Variants in MRPL33 observed in about 807,000 individuals in gnomAD.
MRPL33 encodes mitochondrial ribosomal protein L33, also known as large ribosomal subunit protein bL33m.
A neutral mutation model predicts 10.1 loss-of-function variants in MRPL33; 5 were observed. That is an observed-to-expected ratio of 0.49 (90% CI 0.26 to 1.04). The LOEUF is 1.04. Ranked by LOEUF, MRPL33 falls within the 50% of genes least tolerant of loss-of-function variation. The pLI, the probability that MRPL33 is intolerant of heterozygous loss-of-function variation, is 0.14. For synonymous variants in MRPL33, 24 were observed against 27.7 expected, an observed-to-expected ratio of 0.87 and a Z score of 0.42; for missense variants, 79 against 78.1, an observed-to-expected ratio of 1.01 and a Z score of -0.04.
Position 27,772,551 on chromosome 2 carries a change from C to T in MRPL33, c.23-123C>T, listed in dbSNP as rs189305755. The T allele has an allele frequency of 3.5e-4, 256 of 727,662 alleles. 1 individual carries two copies. The African/African-American group carries it at 4.1e-3, about 12-fold the overall frequency. The allele number at this position is 727,662 out of a possible 1,614,324, so 45.1% of individuals were successfully genotyped here. A position where few individuals can be genotyped will look rare whatever the true frequency, so the allele number is the denominator to read the frequency against. On this transcript the variant is annotated intron_variant, in intron 1 of 3. Coordinates refer to ENST00000296102, the MANE Select transcript of MRPL33 (RefSeq NM_004891.4). Reference sequence around the variant, plus strand: ...GGGAATAGTTACTTGAGTGACACCTCATGGCATATTTCATAAGTTAAATAT... The same window carrying T: ...GGGAATAGTTACTTGAGTGACACCTTATGGCATATTTCATAAGTTAAATAT...
intron 2 of MRPL33, among the ~76,000 whole-genome samples, chr2:27,773,452 A>G (rs1328798050): frequency 4.6e-5 from 7 of 152,226 alleles, no homozygotes; most frequent in African/African-American, 9.6e-5. Flanking sequence ...CCAGGGATCT[A>G]TAGGAATCTC....
Position 27,771,809 on chromosome 2 carries a change from GC to G in MRPL33, c.22+11del. 6.2e-7 allele frequency: 1 copy of G among 1,613,474 alleles called. No homozygotes were observed. Among genetic ancestry groups the G allele is most frequent in the Non-Finnish European group, 8.5e-7 (1 of 1,179,462 alleles). The stretch of plus-strand genomic sequence containing the variant: ...CTCTCCGCGGTCTTCTGTAAGTGGG[GC>G]TGGAGACGCCGGTAGGGGTTACGGC... On this transcript the variant is annotated intron_variant, in intron 1 of 3. Transcript: ENST00000296102.
chr2:27,771,971 C>A, intron 1 of MRPL33, 172 bp downstream of exon 1: 1 of 694,332 alleles, frequency 1.4e-6, no homozygotes, highest in South Asian at 1.9e-5. Context: ...CGGCGCGCCT[C>A]CCTGCGCGGA....
chr2:27,773,086 T>G, intron 2 of MRPL33, among the ~76,000 whole-genome samples: 1 of 152,256 alleles, frequency 6.6e-6, no homozygotes, highest in Non-Finnish European at 1.5e-5. Flanking sequence ...GAACAAACTC[T>G]GCTTTGATTA....
At chr2:27,772,205 A>G (rs535119118) in intron 1 of MRPL33, 1 of 257,360 alleles carries the variant, frequency 3.9e-6, no homozygotes, top group African/African-American at 2.2e-5. Flanking sequence ...GCAGTTAAAG[A>G]AGTCCTCGGG....
chr2:27,776,217 CTT>C, intron 3 of MRPL33, among the ~76,000 whole-genome samples: 1 of 152,236 alleles, frequency 6.6e-6, no homozygotes, highest in Non-Finnish European at 1.5e-5. Flanking sequence ...AAGGAACGGT[CTT>C]AGCTTTGACA....
In MRPL33 at chr2:27,771,764, C is replaced by T. The variant is rs1472443512; in HGVS notation, c.-14C>T. ...CTTTTGGCCGGTGACGGAGACTGCC[C>T]AGGTGTGGTCACCATGTTCCTCTCC... is the stretch of plus-strand genomic sequence containing the variant. On this transcript the variant is annotated 5_prime_UTR_variant, in exon 1 of 4. Transcript: ENST00000296102. 4.3e-6 allele frequency: 7 copies of T among 1,614,156 alleles called. No individual in the cohort carries two copies. The Admixed American group carries it at 1.0e-4, about 23-fold the overall frequency.
Position 27,774,418 on chromosome 2 carries a change from T to C in MRPL33, c.42-6T>C, listed in dbSNP as rs773755583. The C allele has an allele frequency of 2.5e-5, 40 of 1,612,920 alleles. No individual in the cohort carries two copies. The highest frequency in any genetic ancestry group is 3.3e-5 in the Non-Finnish European group (39 of 1,179,050). On this transcript the variant is annotated splice_region_variant and splice_polypyrimidine_tract_variant and intron_variant, in intron 2 of 3. Transcript: ENST00000296102. ...TCGTACATAACAGCGTACTTTTTAA[T>C]CTTAGAAACATTCTGGTGAGAATGG...
intron 2 of MRPL33, 108 bp downstream of exon 2, chr2:27,772,800 T>A: frequency 1.2e-6 from 1 of 859,838 alleles, no homozygotes; most frequent in Non-Finnish European, 1.8e-6. Flanking sequence ...GGCCTTGATT[T>A]CCTAAGAGTT....
At chr2:27,775,885 G>A (rs757805917) in intron 3 of MRPL33, among the ~76,000 whole-genome samples, 8 of 152,130 alleles carry the variant, frequency 5.3e-5, no homozygotes, top group Non-Finnish European at 1.0e-4. Flanking sequence ...TTCCTCATAT[G>A]GTGGAAAAAT....
intron 3 of MRPL33, among the ~76,000 whole-genome samples, chr2:27,775,787 G>T (rs1356413672): frequency 6.6e-6 from 1 of 152,142 alleles, no homozygotes; most frequent in Non-Finnish European, 1.5e-5. Context: ...TGTTTTTATG[G>T]TGTTCAAATT....
intron 3 of MRPL33, among the ~76,000 whole-genome samples, chr2:27,775,347 TTAA>T (rs1382439693): frequency 7.6e-6 from 1 of 130,918 alleles, no homozygotes; most frequent in Non-Finnish European, 1.6e-5. Flanking sequence ...CTCTTTATAA[TTAA>T]TTTTTTTTTT....
rs6716738 is a variant in MRPL33 at position 27,776,444 on chromosome 2, T to C, written c.148+1914T>C. 6.7e-3 allele frequency among the ~76,000 whole-genome samples: 1,016 copies of C among 152,380 alleles called. 7 individuals carry two copies. The highest frequency in any genetic ancestry group is 0.024 in the African/African-American group (980 of 41,594). ...TAAGTTTGAGGACGATGATTGTTGG[T>C]CTGCTTTATGAAGGAAATAGGTAAG... On this transcript the variant is annotated intron_variant, in intron 3 of 3. Transcript: ENST00000296102.
chr2:27,772,005 C>T, intron 1 of MRPL33: 2 of 563,654 alleles, frequency 3.5e-6, no homozygotes, highest in Non-Finnish European at 6.2e-6. Context: ...GAGAAGGGGT[C>T]TGCGGTGTCT....
chr2:27,772,100 A>AT, intron 1 of MRPL33: 1 of 415,172 alleles, frequency 2.4e-6, no homozygotes, highest in Admixed American at 4.0e-5. Flanking sequence ...CTTTGTCCGA[A>AT]GGACCTCAGA....
intron 3 of MRPL33, 125 bp downstream of exon 3, chr2:27,774,655 A>C: frequency 2.9e-6 from 2 of 690,960 alleles, no homozygotes; most frequent in Non-Finnish European, 5.1e-6. Context: ...TAGGTATTGA[A>C]TGATTGTTAT....
At chr2:27,774,367 G>A in intron 2 of MRPL33, 57 bp from the exon 3 acceptor site, 2 of 1,403,854 alleles carry the variant, frequency 1.4e-6, no homozygotes, top group Non-Finnish European at 2.0e-6. Context: ...ATCCCCCTGT[G>A]ACTGATTTTA....
chr2:27,774,305 C>A, intron 2 of MRPL33, 119 bp from the exon 3 acceptor site: 1 of 786,418 alleles, frequency 1.3e-6, no homozygotes, highest in Non-Finnish European at 2.2e-6. Context: ...CCTTTTAGGG[C>A]CAAGTGATAT....
chr2:27,771,790 G>T lies in MRPL33; in HGVS notation c.13G>T (p.Ala5Ser), dbSNP rs777882055. The T allele has an allele frequency of 4.0e-5, 65 of 1,613,898 alleles. No homozygotes were observed. The highest frequency in any genetic ancestry group is 5.3e-5 in the Non-Finnish European group (62 of 1,179,868). MFLS[A>S]VFFAKSKSKN... ...AGGTGTGGTCACCATGTTCCTCTCC[G>T]CGGTCTTCTGTAAGTGGGGCTGGAG... The change falls in exon 1 of 4, where the codon GCG (alanine) becomes TCG (serine). Residue 5 changes from alanine to serine, a missense_variant. Transcript: ENST00000296102.
Sources: allele counts gnomAD v4.1 joint callset (sites outside exome capture counted in the v4.1 genomes callset), GRCh38; gene constraint gnomAD v4.1.1; transcripts MANE v1.5; gene names NCBI Gene and HGNC (gene_info 2026-07-23, HGNC 2026-07-21).